Variants in ACAN observed in about 807,000 individuals in gnomAD.
The protein encoded by ACAN is aggrecan.
A neutral mutation model predicts 169.1 loss-of-function variants in ACAN; 47 were observed. The observed-to-expected ratio is 0.28, with a 90% confidence interval of 0.22 to 0.35. The LOEUF (loss-of-function observed/expected upper bound fraction) is 0.35, where lower values mean the gene tolerates loss of function less well. ACAN is among the 10% of genes least tolerant of loss of function. ACAN has a pLI of 1.00. For synonymous variants in ACAN, 1,115 were observed against 1,112.2 expected (o/e 1.00, Z -0.05); for missense variants, 2,716 against 2,759.9 (o/e 0.98, Z 0.36).
At chr15:88,828,862 G>A (rs565211291) in intron 1 of ACAN, among the ~76,000 whole-genome samples, 4 of 152,326 alleles carry the variant, frequency 2.6e-5, no homozygotes, top group African/African-American at 9.6e-5. Context: ...TTAGGACCCA[G>A]AGCCGACTCA....
intron 13 of ACAN, among the ~76,000 whole-genome samples, chr15:88,867,417 G>A (rs545743823): frequency 5.3e-5 from 8 of 152,154 alleles, no homozygotes; most frequent in African/African-American, 1.7e-4. Context: ...AGCTCCGAAC[G>A]CTTGTCTCCC....
In ACAN at chr15:88,871,314, G is replaced by A; in HGVS notation, c.7061-68G>A. 1.2e-6 allele frequency: 2 copies of A among 1,601,980 alleles called. No homozygotes were observed. The highest frequency in any genetic ancestry group is 1.7e-6 in the Non-Finnish European group (2 of 1,173,464). ...GTGAACGCAGGAACCTATGCCATAAGACTGGCAGCATCTGCCATCCCCTGG... is the reference window on the plus strand; with the variant it reads ...GTGAACGCAGGAACCTATGCCATAAAACTGGCAGCATCTGCCATCCCCTGG... On this transcript the variant is annotated intron_variant, in intron 14 of 18. Coordinates refer to ENST00000560601, the MANE Select transcript of ACAN (RefSeq NM_001369268.1). The surrounding 1 kb of genome is among the most constrained non-coding windows in gnomAD (Gnocchi z 7.8).
chr15:88,844,266 C>G (rs1896740593), intron 6 of ACAN, among the ~76,000 whole-genome samples: 2 of 147,440 alleles, frequency 1.4e-5, no homozygotes, highest in South Asian at 4.3e-4. Context: ...TCCCATGCAA[C>G]TGGGAATACA....
At chr15:88,832,250 G>C (rs182242285) in intron 1 of ACAN, among the ~76,000 whole-genome samples, 1 of 148,322 alleles carries the variant, frequency 6.7e-6, no homozygotes, top group Non-Finnish European at 1.5e-5. Flanking sequence ...ATGTGGAAAA[G>C]ACAAATAGCA....
intron 1 of ACAN, among the ~76,000 whole-genome samples, chr15:88,830,242 TG>T (rs1156289825): frequency 1.3e-5 from 2 of 152,312 alleles, no homozygotes; most frequent in East Asian, 3.9e-4. Flanking sequence ...GCACAATGAA[TG>T]GAGAATGAGG....
chr15:88,858,863 T>G lies in ACAN; in HGVS notation c.6278T>G (p.Val2093Gly). 1 of 1,612,428 alleles carries G rather than the reference T, an allele frequency of 6.2e-7. No individual in the cohort carries two copies. The highest frequency in any genetic ancestry group is 8.5e-7 in the Non-Finnish European group (1 of 1,178,918). Residue 2093 changes from valine to glycine, a missense_variant, in exon 12 of 19, where the codon GTA becomes GGA. Physicochemically the swap from Val to Gly is moderately radical, Grantham distance 109 (BLOSUM62 -3). This residue lies in a region of ACAN where 1,389 missense variants were observed against 1,363.7 expected (regional missense o/e 1.02). Transcript: ENST00000560601. This position sits in a 1 kb window ranked among gnomAD's most constrained non-coding sequence, Gnocchi z 4.0. Reference sequence around the variant, plus strand: ...GTGCTCCCTGGGTCTGGAGTAGAAGTATCATCAGTCCCAGAATCTAGCAGT... The same window carrying G: ...GTGCTCCCTGGGTCTGGAGTAGAAGGATCATCAGTCCCAGAATCTAGCAGT... Reference protein sequence around the residue: ...TPVLPGSGVEVSSVPESSSET... With the variant: ...TPVLPGSGVEGSSVPESSSET...
chr15:88,826,646 G>T (rs759313629), intron 1 of ACAN, among the ~76,000 whole-genome samples: 2 of 152,110 alleles, frequency 1.3e-5, no homozygotes, highest in Non-Finnish European at 2.9e-5. Context: ...CAGGCACTCT[G>T]CCCATATTCC....
Position 88,838,778 on chromosome 15 carries a change from C to T in ACAN, c.186C>T (p.Thr62=), listed in dbSNP as rs191648646. ...TCGACCCCATGCACCCTGTGACCAC[C>T]GCCCCTTCTACCGCCCCACTGGCCC... is the stretch of plus-strand genomic sequence containing the variant. ...YFIDPMHPVT[T]APSTAPLAPR... Residue 62 remains threonine, a synonymous_variant, in exon 3 of 19, where the codon ACC becomes ACT. Transcript: ENST00000560601. This position sits in a 1 kb window ranked among gnomAD's most constrained non-coding sequence, Gnocchi z 5.1. 5.6e-4 allele frequency: 906 copies of T among 1,613,966 alleles called. 7 individuals carry two copies. The African/African-American group carries it at 9.5e-3, about 17-fold the overall frequency.
chr15:88,862,245 G>A (rs1421773458), intron 13 of ACAN, among the ~76,000 whole-genome samples: 2 of 152,192 alleles, frequency 1.3e-5, no homozygotes, highest in East Asian at 1.9e-4. Flanking sequence ...AACAGGGATC[G>A]ATGGTAATGG....
In ACAN at chr15:88,872,170, A is replaced by G; in HGVS notation, c.7302+85A>G. 1 of 1,173,828 alleles carries G rather than the reference A, an allele frequency of 8.5e-7. No individual in the cohort carries two copies. Among genetic ancestry groups the G allele is most frequent in the East Asian group, 2.4e-5 (1 of 41,814 alleles). 72.7% of individuals were successfully genotyped at this position (1,173,828 alleles called of 1,614,324 possible). On this transcript the variant is annotated intron_variant, in intron 16 of 18. Coordinates refer to ENST00000560601, the MANE Select transcript of ACAN (RefSeq NM_001369268.1). This position sits in a 1 kb window ranked among gnomAD's most constrained non-coding sequence, Gnocchi z 5.4. ...CTGGAGAGAGATGCATTCAAACCCC[A>G]TGCAGACAGCCGCTTACCAGCTGCT...
chr15:88,844,818 A>C (rs2141580085), intron 6 of ACAN, among the ~76,000 whole-genome samples: 1 of 152,344 alleles, frequency 6.6e-6, no homozygotes, highest in Non-Finnish European at 1.5e-5. Context: ...TTGGAGGAAA[A>C]AACAATGCCT....
chr15:88,833,436 C>T (rs536524415), intron 1 of ACAN, among the ~76,000 whole-genome samples: 122 of 152,242 alleles, frequency 8.0e-4, no homozygotes, highest in African/African-American at 2.8e-3. Flanking sequence ...CCTATGCTGT[C>T]GCCCTGTCAG....
In ACAN at chr15:88,861,942, A is replaced by G. The variant is rs567845447; in HGVS notation, c.6946+1503A>G. Among the ~76,000 whole-genome samples, 224 of 152,344 alleles carry G rather than the reference A, an allele frequency of 1.5e-3. 3 individuals carry two copies. The South Asian group carries it at 0.044, about 30-fold the overall frequency. On this transcript the variant is annotated intron_variant, in intron 13 of 18. Coordinates refer to ENST00000560601, the MANE Select transcript of ACAN (RefSeq NM_001369268.1). This position sits in a 1 kb window ranked among gnomAD's most constrained non-coding sequence, Gnocchi z 6.3. ...GCTTTTGTTCCCACGATTTCTCCCC[A>G]GATGGCTCTGTAAGCAGCTTGGTAA...
chr15:88,838,495 T>C lies in ACAN; in HGVS notation c.71-168T>C, dbSNP rs1896562140. Among the ~76,000 whole-genome samples the C allele has an allele frequency of 6.6e-6, 1 of 152,172 alleles. No homozygotes were observed. Among genetic ancestry groups the C allele is most frequent in the Non-Finnish European group, 1.5e-5 (1 of 68,028 alleles). On this transcript the variant is annotated intron_variant, in intron 2 of 18. Transcript: ENST00000560601. The surrounding 1 kb of genome is among the most constrained non-coding windows in gnomAD (Gnocchi z 5.1). Reference sequence around the variant, plus strand: ...GCTCTGGAAAGGGCGTGGCAAGCCTTTCTGGGAATTCCCACATGACACGGG... The same window carrying C: ...GCTCTGGAAAGGGCGTGGCAAGCCTCTCTGGGAATTCCCACATGACACGGG...
At chr15:88,842,093 G>T (rs1896676352) in intron 5 of ACAN, among the ~76,000 whole-genome samples, 1 of 152,178 alleles carries the variant, frequency 6.6e-6, no homozygotes, top group Non-Finnish European at 1.5e-5. Context: ...CAAAATGTCT[G>T]ATGTCGCCAC....
chr15:88,861,984 C>A lies in ACAN; in HGVS notation c.6946+1545C>A, dbSNP rs1365417591. On this transcript the variant is annotated intron_variant, in intron 13 of 18. Coordinates refer to ENST00000560601, the MANE Select transcript of ACAN (RefSeq NM_001369268.1). This position sits in a 1 kb window ranked among gnomAD's most constrained non-coding sequence, Gnocchi z 6.3. ...GCTTGGTAACTACCCCCATTTGAGA[C>A]TGGAACTCAGAGGAGTTAAGTAATT... Among the ~76,000 whole-genome samples the A allele has an allele frequency of 6.6e-6, 1 of 152,182 alleles. No individual in the cohort carries two copies. The highest frequency in any genetic ancestry group is 2.4e-5 in the African/African-American group (1 of 41,450).
rs534725756 is a variant in ACAN at position 88,875,217 on chromosome 15, G to T, written c.*736G>T. On this transcript the variant is annotated 3_prime_UTR_variant, in exon 19 of 19. Coordinates refer to ENST00000560601, the MANE Select transcript of ACAN (RefSeq NM_001369268.1). This position sits in a 1 kb window ranked among gnomAD's most constrained non-coding sequence, Gnocchi z 4.8. ...TGCTGGGGGCACTTCCTGCCCAGTG[G>T]GGGGTGCCGCCCAACCTTCTCCCCT... The T allele has an allele frequency of 6.5e-6, 1 of 152,866 alleles. No individual in the cohort carries two copies. The highest frequency in any genetic ancestry group is 1.9e-4 in the East Asian group (1 of 5,174). 9.5% of individuals were successfully genotyped at this position (152,866 alleles called of 1,614,324 possible).
rs556274752 is a variant in ACAN, at chr15:88,859,426, A to AT, written c.6832+15dup. 132 of 1,552,542 alleles carry AT rather than the reference A, an allele frequency of 8.5e-5. No homozygotes were observed. In the African/African-American group the frequency reaches 9.3e-4, roughly 11 times the overall value. ...AGAATCAACTGCTGCAGGTATTGTG[A>AT]TTTTTTCCCCCTTTAAATGTGCTTA... On this transcript the variant is annotated intron_variant, in intron 12 of 18. Coordinates refer to ENST00000560601, the MANE Select transcript of ACAN (RefSeq NM_001369268.1).
chr15:88,815,656 TAAAAAAAAAAAA>T (rs58267198), intron 1 of ACAN, among the ~76,000 whole-genome samples: 1 of 54,182 alleles, frequency 1.8e-5, no homozygotes, highest in African/African-American at 8.7e-5. Flanking sequence ...CTGCACTGAT[TAAAAAAAAAAAA>T]AAAAAAAAAA....
Sources: gnomAD v4.1 joint callset for allele counts (sites outside exome capture counted in the v4.1 genomes callset) on GRCh38, gnomAD v4.1.1 for gene constraint, gnomAD v4.1.1 regional missense constraint, Gnocchi (gnomAD v3.1) non-coding constraint, MANE v1.5 for transcripts, NCBI Gene and HGNC (gene_info 2026-07-23, HGNC 2026-07-21) for gene names.